Variants in ITGBL1 observed in about 807,000 individuals in gnomAD.
ITGBL1 encodes the protein integrin beta-like protein 1.
ITGBL1 carries 51 observed loss-of-function variants against 68.5 expected under a neutral mutation model. The ratio of observed to expected loss-of-function variants is 0.74; its 90% CI spans 0.59 to 0.94. The LOEUF (loss-of-function observed/expected upper bound fraction) is 0.94, where lower values mean the gene tolerates loss of function less well. ITGBL1 is among the 40% of genes least tolerant of loss of function. The pLI is 0.00. For missense variants in ITGBL1, 649 were observed against 647.4 expected, an observed-to-expected ratio of 1.00 and a Z score of -0.03; for synonymous variants, 209 against 227.3, an observed-to-expected ratio of 0.92 and a Z score of 0.72.
intron 7 of ITGBL1, among the ~76,000 whole-genome samples, chr13:101,608,868 A>G (rs1043512551): frequency 6.6e-6 from 1 of 152,068 alleles, no homozygotes; most frequent in Non-Finnish European, 1.5e-5. Flanking sequence ...ACTATTTCTT[A>G]TCCAAGAGGA....
At chr13:101,586,774 A>G (rs2050564599) in intron 6 of ITGBL1, among the ~76,000 whole-genome samples, 1 of 152,180 alleles carries the variant, frequency 6.6e-6, no homozygotes, top group South Asian at 2.1e-4. Flanking sequence ...CATCATTACA[A>G]TCTGGAGCAG....
At chr13:101,583,622 C>G (rs548390262) in intron 6 of ITGBL1, among the ~76,000 whole-genome samples, 1 of 152,128 alleles carries the variant, frequency 6.6e-6, no homozygotes, top group Non-Finnish European at 1.5e-5. Context: ...ATGCCCGTAT[C>G]AAAACATCCC....
intron 9 of ITGBL1, among the ~76,000 whole-genome samples, chr13:101,709,094 G>A (rs9585757): frequency 6.6e-6 from 1 of 152,038 alleles, no homozygotes. Context: ...GGCCGGGCGC[G>A]GTGGCTCACG....
chr13:101,679,657 C>A (rs75669890), intron 7 of ITGBL1, among the ~76,000 whole-genome samples: 5,546 of 152,240 alleles, frequency 0.036, 355 homozygotes, highest in African/African-American at 0.13. Flanking sequence ...TATGATATTA[C>A]TACCTAATTT....
chr13:101,498,478 C>T (rs2048890884), intron 2 of ITGBL1, among the ~76,000 whole-genome samples: 1 of 152,156 alleles, frequency 6.6e-6, no homozygotes, highest in Admixed American at 6.5e-5. Flanking sequence ...TTATCCAAGA[C>T]AGATGGTAAG....
At chr13:101,542,632 A>G (rs549635009) in intron 2 of ITGBL1, among the ~76,000 whole-genome samples, 7 of 152,278 alleles carry the variant, frequency 4.6e-5, no homozygotes, top group Admixed American at 4.6e-4. Flanking sequence ...TGTCTCGTTG[A>G]TCTGTCTAAT....
chr13:101,601,223 A>G (rs2030354981), intron 7 of ITGBL1, among the ~76,000 whole-genome samples: 1 of 152,184 alleles, frequency 6.6e-6, no homozygotes, highest in African/African-American at 2.4e-5. Context: ...TTATTTGCGT[A>G]GAGGTGTTTA....
In ITGBL1 at chr13:101,514,469, G is replaced by A. The variant is rs542232551; in HGVS notation, c.317-53230G>A. On this transcript the variant is annotated intron_variant, in intron 2 of 10. Transcript: ENST00000376180. ...AAATTATTATTATTTTTTTTGGTTAGGAATCAGTTTTAGGAGCTAATTTAT... is the reference window on the plus strand; with the variant it reads ...AAATTATTATTATTTTTTTTGGTTAAGAATCAGTTTTAGGAGCTAATTTAT... Among the ~76,000 whole-genome samples, 9 of 151,906 alleles carry A rather than the reference G, an allele frequency of 5.9e-5. No individual in the cohort carries two copies. In the South Asian group the frequency reaches 1.2e-3, roughly 21 times the overall value.
intron 7 of ITGBL1, among the ~76,000 whole-genome samples, chr13:101,658,681 C>A (rs2032998840): frequency 6.6e-6 from 1 of 152,022 alleles, no homozygotes; most frequent in African/African-American, 2.4e-5. Context: ...ATGGGAATCT[C>A]AGGTAATGGC....
chr13:101,673,271 T>C (rs1311623081), intron 7 of ITGBL1, among the ~76,000 whole-genome samples: 1 of 152,186 alleles, frequency 6.6e-6, no homozygotes, highest in Non-Finnish European at 1.5e-5. Context: ...CTGTAAAAAA[T>C]GTTGCATCTG....
chr13:101,653,096 GAAAC>G (rs1410601281), intron 7 of ITGBL1, among the ~76,000 whole-genome samples: 1 of 145,822 alleles, frequency 6.9e-6, no homozygotes, highest in South Asian at 2.2e-4. Flanking sequence ...AACTGAGAAA[GAAAC>G]AAAGAAAGAA....
At position 101,655,201 on chromosome 13, in the gene ITGBL1, A is replaced by G. The variant is rs184007383; in HGVS notation, c.1016-37384A>G. 2.5e-4 allele frequency among the ~76,000 whole-genome samples: 38 copies of G among 152,278 alleles called. No individual in the cohort carries two copies. In the East Asian group the frequency reaches 5.4e-3, roughly 22 times the overall value. On this transcript the variant is annotated intron_variant, in intron 7 of 10. Transcript: ENST00000376180. ...GGCAAAGAGGAGAATTAATTCATCA[A>G]AGCACCCTGCCCTTGAAATCTCACC...
intron 2 of ITGBL1, among the ~76,000 whole-genome samples, chr13:101,529,029 A>G (rs1053747870): frequency 1.3e-5 from 2 of 152,082 alleles, no homozygotes; most frequent in East Asian, 1.9e-4. Context: ...ATTAGGCACT[A>G]TACCATAGGG....
At chr13:101,690,476 G>A (rs956833404) in intron 7 of ITGBL1, among the ~76,000 whole-genome samples, 5 of 152,174 alleles carry the variant, frequency 3.3e-5, no homozygotes, top group African/African-American at 9.7e-5. Flanking sequence ...TGCCCCTCAG[G>A]AATAATGCAA....
At chr13:101,568,158 A>G (rs2050211987) in intron 3 of ITGBL1, among the ~76,000 whole-genome samples, 1 of 152,134 alleles carries the variant, frequency 6.6e-6, no homozygotes, top group Non-Finnish European at 1.5e-5. Context: ...AAAAGGATTT[A>G]TATAAACTGA....
intron 2 of ITGBL1, among the ~76,000 whole-genome samples, chr13:101,462,588 CATT>C (rs532546587): frequency 5.1e-4 from 78 of 151,998 alleles, no homozygotes; most frequent in Non-Finnish European, 1.0e-3. Context: ...TTTTCCATAT[CATT>C]ATTTTTTTTG....
chr13:101,584,098 A>C (rs1483626775), intron 6 of ITGBL1, among the ~76,000 whole-genome samples: 1 of 152,220 alleles, frequency 6.6e-6, no homozygotes, highest in African/African-American at 2.4e-5. Flanking sequence ...TGTAGTCTGT[A>C]ATTAAATATC....
At chr13:101,648,632 G>T (rs957379405) in intron 7 of ITGBL1, among the ~76,000 whole-genome samples, 3 of 152,054 alleles carry the variant, frequency 2.0e-5, no homozygotes, top group East Asian at 1.9e-4. Context: ...GTTCACCAAT[G>T]ACATAAAGTA....
intron 7 of ITGBL1, among the ~76,000 whole-genome samples, chr13:101,665,474 G>T (rs1002537700): frequency 1.3e-5 from 2 of 151,898 alleles, no homozygotes; most frequent in Non-Finnish European, 2.9e-5. Context: ...TTAACCACTT[G>T]TATCTAGGGA....
Sources: allele counts gnomAD v4.1 joint callset (sites outside exome capture counted in the v4.1 genomes callset), GRCh38; gene constraint gnomAD v4.1.1; transcripts MANE v1.5; gene names NCBI Gene and HGNC (gene_info 2026-07-23, HGNC 2026-07-21).